The following DHDDS variants were observed in gnomAD, a reference collection of about 807,000 sequenced individuals.
DHDDS encodes dehydrodolichyl diphosphate synthase complex subunit DHDDS.
Under a neutral mutation model 46.2 loss-of-function variants are expected in DHDDS, and 16 were observed. The observed-to-expected ratio is 0.35, with a 90% confidence interval of 0.23 to 0.53. The LOEUF (loss-of-function observed/expected upper bound fraction) is 0.53. DHDDS is among the 20% of genes least tolerant of loss of function. The pLI is 0.94. For synonymous variants in DHDDS, 151 were observed against 163.1 expected, an observed-to-expected ratio of 0.93 and a Z score of 0.56; for missense variants, 340 against 423.7, an observed-to-expected ratio of 0.80 and a Z score of 1.73.
chr1:26,455,336 G>C (rs2075361016), intron 6 of DHDDS: 7 of 495,816 alleles, frequency 1.4e-5, no homozygotes, highest in Middle Eastern at 1.1e-3. Flanking sequence ...CAGATTACCA[G>C]AGAAATCTGA....
chr1:26,447,962 G>C, intron 6 of DHDDS: 1 of 579,004 alleles, frequency 1.7e-6, no homozygotes, highest in Non-Finnish European at 3.1e-6. Flanking sequence ...GATTAGGATT[G>C]GCTTATTACA....
intron 8 of DHDDS, chr1:26,466,221 C>T (rs145451170): frequency 6.6e-6 from 1 of 152,286 alleles, no homozygotes; most frequent in African/African-American, 2.4e-5. Context: ...GGTCATTATA[C>T]AAGGATAGTA....
chr1:26,457,832 A>G lies in DHDDS; in HGVS notation c.584A>G (p.Asn195Ser). Reference sequence around the variant, plus strand: ...CTGCTTGATAAGTGCCTCTATACCAACCGCTCTCCTCATCCTGACATCTTG... The same window carrying G: ...CTGCTTGATAAGTGCCTCTATACCAGCCGCTCTCCTCATCCTGACATCTTG... ...ESLLDKCLYT[N>S]RSPHPDILIR... Residue 195 changes from asparagine (N) to serine (S), a missense_variant, in exon 7 of 9, where the codon AAC becomes AGC. Transcript: ENST00000236342. The G allele has an allele frequency of 6.2e-7, 1 of 1,613,852 alleles. No individual in the cohort carries two copies. The highest frequency in any genetic ancestry group is 8.5e-7 in the Non-Finnish European group (1 of 1,179,990).
chr1:26,469,318 G>C lies in DHDDS; in HGVS notation c.*187G>C. The C allele has an allele frequency of 9.3e-7, 1 of 1,071,702 alleles. No homozygotes were observed. Among genetic ancestry groups the C allele is most frequent in the Non-Finnish European group, 1.4e-6 (1 of 739,236 alleles). The allele number at this position is 1,071,702 out of a possible 1,614,324, so 66.4% of individuals were successfully genotyped here. ...TGGGCTGCCTGGGACAGGCTCCTGA[G>C]GAGGATTGAGGGTGAAAGTCTCCCA... is the stretch of plus-strand genomic sequence containing the variant. On this transcript the variant is annotated 3_prime_UTR_variant, in exon 9 of 9. Transcript: ENST00000236342.
intron 6 of DHDDS, among the ~76,000 whole-genome samples, chr1:26,449,711 A>G (rs1368292256): frequency 7.2e-5 from 11 of 151,928 alleles, no homozygotes. Context: ...GGGGCATGCC[A>G]CCATGCCCAG....
At position 26,469,055 on chromosome 1, in the gene DHDDS, G is replaced by A. The variant is rs774295037; in HGVS notation, c.926G>A (p.Arg309Gln). Residue 309 changes from arginine to glutamine, a missense_variant, in exon 9 of 9, where the codon CGA becomes CAA. Around this residue, in one of 2 missense-constraint regions of DHDDS, gnomAD observed 268 missense variants for 300.3 expected, o/e 0.89. Coordinates refer to ENST00000236342, the MANE Select transcript of DHDDS (RefSeq NM_205861.3). ...AAACTCTCGGCCAGACGGGAAGAGC[G>A]AGTCCAAGGCTTCCTGCAGGCCTTG... ...LHKLSARREE[R>Q]VQGFLQALEL... 1.2e-6 allele frequency: 2 copies of A among 1,613,812 alleles called. No individual in the cohort carries two copies. Among genetic ancestry groups the A allele is most frequent in the Admixed American group, 1.7e-5 (1 of 60,028 alleles).
At chr1:26,461,385 T>C (rs2075420253) in intron 8 of DHDDS, among the ~76,000 whole-genome samples, 1 of 145,278 alleles carries the variant, frequency 6.9e-6, no homozygotes, top group African/African-American at 2.5e-5. Flanking sequence ...ATAGAATACT[T>C]TTTTTTTTTT....
intron 2 of DHDDS, among the ~76,000 whole-genome samples, chr1:26,435,475 T>A (rs1186386594): frequency 7.8e-6 from 1 of 127,894 alleles, no homozygotes; most frequent in African/African-American, 3.0e-5. Context: ...TCTTACTCTG[T>A]CACCCAGGCT....
intron 6 of DHDDS, among the ~76,000 whole-genome samples, chr1:26,448,935 C>A (rs1184340172): frequency 2.0e-5 from 3 of 151,974 alleles, no homozygotes; most frequent in African/African-American, 7.3e-5. Flanking sequence ...GATTAAAAAT[C>A]AAAAAGTTAC....
chr1:26,455,281 C>T (rs1256784241), intron 6 of DHDDS: 3 of 560,892 alleles, frequency 5.3e-6, no homozygotes, highest in Non-Finnish European at 9.6e-6. Flanking sequence ...TACAGAGTCT[C>T]ACATAACTTG....
At position 26,470,073 on chromosome 1, in the gene DHDDS, G is replaced by A. The variant is rs528342268; in HGVS notation, c.*942G>A. 5.3e-5 allele frequency: 8 copies of A among 152,280 alleles called. No homozygotes were observed. The highest frequency in any genetic ancestry group is 5.2e-4 in the Admixed American group (8 of 15,288). The allele number at this position is 152,280 out of a possible 1,614,324, so 9.4% of individuals were successfully genotyped here. A position where few individuals can be genotyped will look rare whatever the true frequency, so the allele number is the denominator to read the frequency against. On this transcript the variant is annotated 3_prime_UTR_variant, in exon 9 of 9. Transcript: ENST00000236342. Reference sequence around the variant, plus strand: ...GCTTTTTGACCTGGCTCCCTAAGTAGGCCCTAGATGATTTATTCTTGGCAT... The same window carrying A: ...GCTTTTTGACCTGGCTCCCTAAGTAAGCCCTAGATGATTTATTCTTGGCAT...
chr1:26,458,216 C>T (rs1028050374), intron 7 of DHDDS, among the ~76,000 whole-genome samples: 1 of 152,206 alleles, frequency 6.6e-6, no homozygotes, highest in Admixed American at 6.5e-5. Flanking sequence ...GACCCTAGCC[C>T]CTCTGGGTTG....
At chr1:26,432,699 C>A (rs1166530377) in intron 1 of DHDDS, 192 bp from the exon 2 acceptor site, 5 of 544,880 alleles carry the variant, frequency 9.2e-6, no homozygotes, top group South Asian at 6.3e-5. Flanking sequence ...CCAGGAGAAC[C>A]GAGGAAAGGC....
Position 26,452,037 on chromosome 1 carries a change from G to A in DHDDS, c.542+4377G>A, listed in dbSNP as rs528754483. On this transcript the variant is annotated intron_variant, in intron 6 of 8. Coordinates refer to ENST00000236342, the MANE Select transcript of DHDDS (RefSeq NM_205861.3). ...CCTGGGATTATAGGTGTGAGCCATA[G>A]CACCTGGCCTGTTTCGTTTTGTTTT... Among the ~76,000 whole-genome samples, 90 of 152,126 alleles carry A rather than the reference G, an allele frequency of 5.9e-4. 1 individual carries two copies. The highest frequency in any genetic ancestry group is 1.7e-3 in the South Asian group (8 of 4,814).
Position 26,432,967 on chromosome 1 carries a change from G to C in DHDDS, c.22G>C (p.Glu8Gln), listed in dbSNP as rs1415428953. 4 of 1,614,112 alleles carry C rather than the reference G, an allele frequency of 2.5e-6. No homozygotes were observed. The highest frequency in any genetic ancestry group is 2.5e-6 in the Non-Finnish European group (3 of 1,180,048). Residue 8 changes from glutamate to glutamine, a missense_variant, in exon 2 of 9, where the codon GAG (glutamate) becomes CAG (glutamine). By Grantham distance (29) the Glu-to-Gln change is conservative. Coordinates refer to ENST00000236342, the MANE Select transcript of DHDDS (RefSeq NM_205861.3). ...AACTATGTCATGGATCAAGGAAGGAGAGCTGTCACTTTGGGAGCGGTTCTG... is the reference window on the plus strand; with the variant it reads ...AACTATGTCATGGATCAAGGAAGGACAGCTGTCACTTTGGGAGCGGTTCTG... MSWIKEG[E>Q]LSLWERFCAN...
At chr1:26,468,812 C>CCCCCCCCCCAACCACCA in intron 8 of DHDDS, 83 bp from the exon 9 acceptor site, 7 of 601,108 alleles carry the variant, frequency 1.2e-5, no homozygotes, top group African/African-American at 3.9e-5. Flanking sequence ...CCACCCTGTG[C>CCCCCCCCCCAACCACCA]CCCACCCCCT....
rs780269059 is a variant in DHDDS, at chr1:26,469,109, G to C, written c.980G>C (p.Arg327Pro). The change falls in exon 9 of 9, where the codon CGT becomes CCT. Residue 327 changes from arginine to proline, a missense_variant. By Grantham distance (103) the Arg-to-Pro change is moderately radical (BLOSUM62 -2). Around this residue, in one of 2 missense-constraint regions of DHDDS, gnomAD observed 268 missense variants for 300.3 expected, o/e 0.89. Coordinates refer to ENST00000236342, the MANE Select transcript of DHDDS (RefSeq NM_205861.3). ...CTCAAGCGAGCTGACTGGCTGGCCCGTCTGGGCACTGCATCAGCCTGAATG... is the reference window on the plus strand; with the variant it reads ...CTCAAGCGAGCTGACTGGCTGGCCCCTCTGGGCACTGCATCAGCCTGAATG... ...LELKRADWLA[R>P]LGTASA 3.7e-6 allele frequency: 6 copies of C among 1,612,246 alleles called. No homozygotes were observed. In the African/African-American group the frequency reaches 6.7e-5, roughly 18 times the overall value.
At chr1:26,439,793 A>C (rs540629263) in intron 3 of DHDDS, among the ~76,000 whole-genome samples, 13 of 152,328 alleles carry the variant, frequency 8.5e-5, no homozygotes, top group African/African-American at 2.9e-4. Context: ...TATAAATTGG[A>C]AGACATTAAG....
At position 26,469,297 on chromosome 1, in the gene DHDDS, C is replaced by A; in HGVS notation, c.*166C>A. On this transcript the variant is annotated 3_prime_UTR_variant, in exon 9 of 9. Transcript: ENST00000236342. ...TTTGCTGGCCATAGATACCTTTGGG[C>A]TGCCTGGGACAGGCTCCTGAGGAGG... The A allele has an allele frequency of 1.5e-6, 2 of 1,298,688 alleles. No homozygotes were observed. Among genetic ancestry groups the A allele is most frequent in the South Asian group, 1.3e-5 (1 of 77,696 alleles). 80.4% of individuals were successfully genotyped at this position (1,298,688 alleles called of 1,614,324 possible). A position where few individuals can be genotyped will look rare whatever the true frequency, so the allele number is the denominator to read the frequency against.
Sources: gnomAD v4.1 joint callset for allele counts (sites outside exome capture counted in the v4.1 genomes callset) on GRCh38, gnomAD v4.1.1 for gene constraint, gnomAD v4.1.1 regional missense constraint, MANE v1.5 for transcripts, NCBI Gene and HGNC (gene_info 2026-07-23, HGNC 2026-07-21) for gene names.